The following FBXL6 variants were observed in gnomAD, a reference collection of about 807,000 sequenced individuals.
The protein encoded by FBXL6 is F-box/LRR-repeat protein 6.
FBXL6 carries 50 observed loss-of-function variants against 53.3 expected under a neutral mutation model. The observed-to-expected ratio is 0.94, with a 90% confidence interval of 0.75 to 1.19. FBXL6 has a LOEUF of 1.19. FBXL6 is among the 50% of genes most tolerant of loss of function. FBXL6 has a pLI of 0.00. For missense variants in FBXL6, 815 were observed against 719.0 expected, an observed-to-expected ratio of 1.13 and a Z score of -1.53; for synonymous variants, 405 against 322.9, an observed-to-expected ratio of 1.25 and a Z score of -2.73.
In FBXL6 at chr8:144,356,494, G is replaced by C. The variant is rs782171169; in HGVS notation, c.1031C>G (p.Pro344Arg). Residue 344 changes from proline to arginine, a missense_variant, in exon 7 of 9, where the codon CCT becomes CGT. Transcript: ENST00000331890. ...RLLNLMWLPKPPGRGVAPGPG... is the reference protein window; with the variant it reads ...RLLNLMWLPKRPGRGVAPGPG... ...TCCGGGAGCCACCCCTCGTCCCGGA[G>C]GCTTGGGCAGCCACATCAGGTTCAA... is the stretch of plus-strand genomic sequence containing the variant. The C allele has an allele frequency of 1.2e-6, 2 of 1,612,974 alleles. No homozygotes were observed. Among genetic ancestry groups the C allele is most frequent in the South Asian group, 2.2e-5 (2 of 91,086 alleles).
chr8:144,357,159 G>A (rs1818492220), intron 3 of FBXL6, 38 bp from the exon 4 acceptor site: 13 of 1,611,020 alleles, frequency 8.1e-6, no homozygotes, highest in African/African-American at 5.3e-5. Context: ...GTTGGGAGAC[G>A]ACAGGCTAAG....
In FBXL6 at chr8:144,356,025, T is replaced by A; in HGVS notation, c.1415A>T (p.His472Leu). ...AAFLSTPGGS[H>L]PALCSLNLRG... Reference sequence around the variant, plus strand: ...GAGGTTAAGAGAGCACAGGGCTGGGTGTGAGCCCCCAGGGGTGCTTAAGAA... The same window carrying A: ...GAGGTTAAGAGAGCACAGGGCTGGGAGTGAGCCCCCAGGGGTGCTTAAGAA... Residue 472 changes from histidine to leucine, a missense_variant, in exon 8 of 9, where the codon CAC becomes CTC. By Grantham distance (99) the His-to-Leu change is moderately conservative. Transcript: ENST00000331890. The A allele has an allele frequency of 6.2e-7, 1 of 1,612,966 alleles. No individual in the cohort carries two copies. The highest frequency in any genetic ancestry group is 8.5e-7 in the Non-Finnish European group (1 of 1,179,974).
intron 2 of FBXL6, 42 bp from the exon 3 acceptor site, chr8:144,357,544 A>G (rs781923203): frequency 6.2e-7 from 1 of 1,612,792 alleles, no homozygotes; most frequent in Non-Finnish European, 8.5e-7. Context: ...ATGTTCCCAC[A>G]CGAGTCCTTC....
intron 3 of FBXL6, 138 bp from the exon 4 acceptor site, chr8:144,357,259 G>C: frequency 7.6e-7 from 1 of 1,324,354 alleles, no homozygotes; most frequent in East Asian, 2.5e-5. Context: ...AGGCCTACTT[G>C]GGTGTCCCCG....
Position 144,356,356 on chromosome 8 carries a change from T to C in FBXL6, c.1169A>G (p.Asp390Gly). 6.2e-7 allele frequency: 1 copy of C among 1,604,614 alleles called. No homozygotes were observed. The highest frequency in any genetic ancestry group is 1.7e-5 in the Admixed American group (1 of 59,408). The change falls in exon 7 of 9, where the codon GAT (aspartate) becomes GGT (glycine). Residue 390 changes from aspartate (D) to glycine (G), a missense_variant. Transcript: ENST00000331890. ...LHGSPNLRLL[D>G]LRGCARITPA... is the part of the protein sequence containing the mutation. The stretch of plus-strand genomic sequence containing the variant: ...CGTGATGCGCGCACAGCCACGAAGA[T>C]CCAGTAAGCGCAGGTTGGGAGAGCC...
chr8:144,356,966 G>A, intron 4 of FBXL6, 24 bp downstream of exon 4: 1 of 1,612,996 alleles, frequency 6.2e-7, no homozygotes, highest in Non-Finnish European at 8.5e-7. Context: ...GTTTTTTCAG[G>A]GCCCCTTGGG....
intron 3 of FBXL6, 76 bp from the exon 4 acceptor site, chr8:144,357,197 G>T: frequency 6.3e-7 from 1 of 1,582,442 alleles, no homozygotes; most frequent in Non-Finnish European, 8.6e-7. Flanking sequence ...ACAAGTGGCT[G>T]GTGCCAACCC....
rs781879109 is a variant in FBXL6 at position 144,355,635 on chromosome 8, C to T, written c.1516G>A (p.Glu506Lys). The change falls in exon 9 of 9, where the codon GAG (glutamate) becomes AAG (lysine). Residue 506 changes from glutamate to lysine, a missense_variant. Coordinates refer to ENST00000331890, the MANE Select transcript of FBXL6 (RefSeq NM_012162.4). ...CCCCGGGGAAGGCAGCGGCAGGACT[C>T]CAGGTTGAGGTAGAGCAGGCCCGGG... ...GCPGLLYLNL[E>K]SCRCLPRGLK... is the part of the protein sequence containing the mutation. The T allele has an allele frequency of 2.3e-5, 37 of 1,610,868 alleles. No homozygotes were observed. The Admixed American group carries it at 2.8e-4, about 12-fold the overall frequency.
Position 144,356,674 on chromosome 8 carries a change from T to C in FBXL6, c.919A>G (p.Thr307Ala), listed in dbSNP as rs1401906198. 4 of 1,612,434 alleles carry C rather than the reference T, an allele frequency of 2.5e-6. No homozygotes were observed. The East Asian group carries it at 6.7e-5, about 27-fold the overall frequency. Residue 307 changes from threonine (T) to alanine (A), a missense_variant, in exon 6 of 9, where the codon ACC becomes GCC. Physicochemically the swap from Thr to Ala is moderately conservative, Grantham distance 58. Transcript: ENST00000331890. Reference sequence around the variant, plus strand: ...GGAATGCTATTACGGTTGATGCCGGTGCTCACCTCCAGGACCTGGAGCTGG... The same window carrying C: ...GGAATGCTATTACGGTTGATGCCGGCGCTCACCTCCAGGACCTGGAGCTGG... Reference protein sequence around the residue: ...CPQLQVLEVSTGINRNSIPLQ... With the variant: ...CPQLQVLEVSAGINRNSIPLQ...
At chr8:144,357,924 G>A in intron 1 of FBXL6, 108 bp downstream of exon 1, 2 of 1,449,230 alleles carry the variant, frequency 1.4e-6, no homozygotes, top group Non-Finnish European at 1.8e-6. Flanking sequence ...CTCGGACTGA[G>A]CGGTGCGCGC....
intron 1 of FBXL6, 76 bp downstream of exon 1, chr8:144,357,956 C>A: frequency 6.8e-7 from 1 of 1,481,326 alleles, no homozygotes; most frequent in Non-Finnish European, 8.9e-7. Context: ...CGCCCTCCGC[C>A]CCCGCCCGGG....
Position 144,356,035 on chromosome 8 carries a change from C to A in FBXL6, c.1405G>T (p.Gly469Trp), listed in dbSNP as rs781953029. The change falls in exon 8 of 9, where the codon GGG becomes TGG. Residue 469 changes from glycine to tryptophan, a missense_variant. Gly to Trp is a radical substitution (Grantham distance 184, BLOSUM62 -2). Coordinates refer to ENST00000331890, the MANE Select transcript of FBXL6 (RefSeq NM_012162.4). ...GAGCACAGGGCTGGGTGTGAGCCCC[C>A]AGGGGTGCTTAAGAAGGCAGCCAGG... ...QALAAFLSTP[G>W]GSHPALCSLN... is the part of the protein sequence containing the mutation. The A allele has an allele frequency of 1.4e-5, 22 of 1,612,916 alleles. No individual in the cohort carries two copies. The African/African-American group carries it at 1.7e-4, about 13-fold the overall frequency.
intron 3 of FBXL6, 38 bp from the exon 4 acceptor site, chr8:144,357,159 G>C: frequency 6.2e-7 from 1 of 1,611,020 alleles, no homozygotes. Flanking sequence ...GTTGGGAGAC[G>C]ACAGGCTAAG....
chr8:144,356,757 T>C lies in FBXL6; in HGVS notation c.880-44A>G, dbSNP rs782259584. Reference sequence around the variant, plus strand: ...GGGGTAGGTCACAGGGTCAGTGGCCTGGCAGTCCCCAGCTCAGCATCTGCC... The same window carrying C: ...GGGGTAGGTCACAGGGTCAGTGGCCCGGCAGTCCCCAGCTCAGCATCTGCC... On this transcript the variant is annotated intron_variant, in intron 5 of 8. Transcript: ENST00000331890. 28 of 1,611,132 alleles carry C rather than the reference T, an allele frequency of 1.7e-5. No individual in the cohort carries two copies. The East Asian group carries it at 5.6e-4, about 32-fold the overall frequency.
At chr8:144,357,387 G>C (rs370522147) in intron 3 of FBXL6, 52 bp downstream of exon 3, 3 of 1,566,732 alleles carry the variant, frequency 1.9e-6, no homozygotes, top group Admixed American at 1.8e-5. Context: ...CTAGAGTACT[G>C]AACAGTCCCA....
chr8:144,356,315 C>G lies in FBXL6; in HGVS notation c.1210G>C (p.Asp404His). ...GACTGCTGACCCCGACATGGCAGATCCTGAAGGCCAGCCGGCGTGATGCGC... is the reference window on the plus strand; with the variant it reads ...GACTGCTGACCCCGACATGGCAGATGCTGAAGGCCAGCCGGCGTGATGCGC... ...CARITPAGLQDLPCRELEQLH... is the reference protein window; with the variant it reads ...CARITPAGLQHLPCRELEQLH... Residue 404 changes from aspartate (D) to histidine (H), a missense_variant, in exon 7 of 9, where the codon GAT (aspartate) becomes CAT (histidine). Coordinates refer to ENST00000331890, the MANE Select transcript of FBXL6 (RefSeq NM_012162.4). The G allele has an allele frequency of 1.2e-6, 1 of 827,960 alleles. No individual in the cohort carries two copies. Among genetic ancestry groups the G allele is most frequent in the Non-Finnish European group, 1.6e-6 (1 of 623,568 alleles). The allele number at this position is 827,960 out of a possible 1,614,324, so 51.3% of individuals were successfully genotyped here.
rs1818394840 is a variant in FBXL6 at position 144,356,121 on chromosome 8, T to C, written c.1319A>G (p.His440Arg). ...GSPFLTQKWC[H>R]TLRELDLSGQ... ...ACTCAAGTCCAGTTCTCGCAGTGTA[T>C]GGCACCACTTCTGGGTCAAAAAGGG... Residue 440 changes from histidine to arginine, a missense_variant, in exon 8 of 9, where the codon CAT (histidine) becomes CGT (arginine). His to Arg is a conservative substitution (Grantham distance 29). Transcript: ENST00000331890. The C allele has an allele frequency of 6.2e-7, 1 of 1,612,990 alleles. No homozygotes were observed. Among genetic ancestry groups the C allele is most frequent in the Non-Finnish European group, 8.5e-7 (1 of 1,180,022 alleles).
In FBXL6 at chr8:144,356,203, G is replaced by C; in HGVS notation, c.1237C>G (p.Leu413Val). Residue 413 changes from leucine to valine, a missense_variant, in exon 8 of 9, where the codon CTT (leucine) becomes GTT (valine). Leu to Val is a conservative substitution (Grantham distance 32). Coordinates refer to ENST00000331890, the MANE Select transcript of FBXL6 (RefSeq NM_012162.4). ...QDLPCRELEQ[L>V]HLGLYGTSDR... The stretch of plus-strand genomic sequence containing the variant: ...GACGTGCCATACAGGCCCAGATGAA[G>C]CTGCTCCAGCTCTGCAGTGAAAGGA... 7.6e-7 allele frequency: 1 copy of C among 1,322,376 alleles called. No homozygotes were observed. Among genetic ancestry groups the C allele is most frequent in the Non-Finnish European group, 9.7e-7 (1 of 1,026,876 alleles). 81.9% of individuals were successfully genotyped at this position (1,322,376 alleles called of 1,614,324 possible).
At position 144,356,928 on chromosome 8, in the gene FBXL6, T is replaced by C. The variant is rs782662505; in HGVS notation, c.772-13A>G. 5 of 1,613,128 alleles carry C rather than the reference T, an allele frequency of 3.1e-6. No homozygotes were observed. The East Asian group carries it at 1.1e-4, about 36-fold the overall frequency. ...CTGTGGACTCCACCTGGGGCCCCAA[T>C]ACAAGAGCACCCGTCACCCCGGCCT... On this transcript the variant is annotated splice_polypyrimidine_tract_variant and intron_variant, in intron 4 of 8. Transcript: ENST00000331890.
Sources: allele counts gnomAD v4.1 joint callset, GRCh38; gene constraint gnomAD v4.1.1; transcripts MANE v1.5; gene names NCBI Gene and HGNC (gene_info 2026-07-23, HGNC 2026-07-21).